GABPB2: variants seen among roughly 807,000 people sequenced by gnomAD.
GABPB2 encodes GA binding protein transcription factor subunit beta 2.
GABPB2 carries 23 observed loss-of-function variants against 39.1 expected under a neutral mutation model. The observed-to-expected ratio is 0.59, with a 90% CI of 0.42 to 0.83. The LOEUF (loss-of-function observed/expected upper bound fraction) is 0.83, where lower values mean the gene tolerates loss of function less well. Ranked by LOEUF, GABPB2 falls within the 40% of genes least tolerant of loss-of-function variation. GABPB2 has a pLI of 0.00. For synonymous variants in GABPB2, 184 were observed against 199.3 expected, an observed-to-expected ratio of 0.92 and a Z score of 0.65; for missense variants, 467 against 541.1, an observed-to-expected ratio of 0.86 and a Z score of 1.36.
At chr1:151,110,803 A>G (rs958296563) in intron 7 of GABPB2, among the ~76,000 whole-genome samples, 3 of 152,144 alleles carry the variant, frequency 2.0e-5, no homozygotes, top group African/African-American at 7.2e-5. Flanking sequence ...AAAGAAGGAA[A>G]ACAGATTTCA....
intron 7 of GABPB2, 86 bp downstream of exon 7, chr1:151,107,308 A>G: frequency 1.2e-6 from 1 of 852,704 alleles, no homozygotes; most frequent in East Asian, 3.5e-5. Flanking sequence ...TAAGACAAAT[A>G]GTGGAAGTGG....
intron 7 of GABPB2, among the ~76,000 whole-genome samples, chr1:151,113,835 A>G (rs1186967538): frequency 6.6e-6 from 1 of 152,196 alleles, no homozygotes; most frequent in Non-Finnish European, 1.5e-5. Flanking sequence ...TGTCATTTCA[A>G]TAATGTTATA....
intron 3 of GABPB2, 42 bp from the exon 4 acceptor site, chr1:151,093,150 C>A: frequency 1.3e-6 from 2 of 1,486,822 alleles, no homozygotes; most frequent in Non-Finnish European, 1.8e-6. Context: ...ACCTGTGCTA[C>A]TATAACCGCT....
In GABPB2 at chr1:151,107,225, G is replaced by A. The variant is rs373858904; in HGVS notation, c.922+3G>A. ...AACTGTGCAAGATGGACAGCAAGGTGAGTTATCTCTTGTAGACAATTGTTT... is the reference window on the plus strand; with the variant it reads ...AACTGTGCAAGATGGACAGCAAGGTAAGTTATCTCTTGTAGACAATTGTTT... On this transcript the variant is annotated splice_donor_region_variant and intron_variant, in intron 7 of 8. Coordinates refer to ENST00000368918, the MANE Select transcript of GABPB2 (RefSeq NM_144618.3). The A allele has an allele frequency of 1.9e-6, 3 of 1,560,700 alleles. No homozygotes were observed. The highest frequency in any genetic ancestry group is 2.6e-6 in the Non-Finnish European group (3 of 1,154,514).
chr1:151,083,950 A>G lies in GABPB2; in HGVS notation c.1-4240A>G, dbSNP rs1429200758. On this transcript the variant is annotated intron_variant, in intron 1 of 8. Transcript: ENST00000368918. ...GAGATGGGGTTTCATTATCTTGGAC[A>G]TGCTGGTCTTGAACTCCTGACCTCG... 8.0e-5 allele frequency among the ~76,000 whole-genome samples: 12 copies of G among 150,864 alleles called. No homozygotes were observed. In the East Asian group the frequency reaches 1.2e-3, roughly 15 times the overall value.
intron 7 of GABPB2, among the ~76,000 whole-genome samples, chr1:151,114,440 C>T (rs1276677328): frequency 6.6e-6 from 1 of 152,150 alleles, no homozygotes; most frequent in Non-Finnish European, 1.5e-5. Context: ...GGGCCGGGCT[C>T]AGTGGCTCAC....
Position 151,107,020 on chromosome 1 carries a change from G to A in GABPB2, c.737-17G>A. The A allele has an allele frequency of 1.3e-6, 2 of 1,541,362 alleles. No homozygotes were observed. Among genetic ancestry groups the A allele is most frequent in the Non-Finnish European group, 1.7e-6 (2 of 1,144,478 alleles). ...TTTAAAAAGCTGAAATTTTAAATTT[G>A]CTTTTGTCATCTCTAGCCAATACAG... On this transcript the variant is annotated splice_polypyrimidine_tract_variant and intron_variant, in intron 6 of 8. Transcript: ENST00000368918.
Position 151,078,605 on chromosome 1 carries a change from G to GA in GABPB2, c.-1+7680dup, listed in dbSNP as rs770012576. On this transcript the variant is annotated intron_variant, in intron 1 of 8. Coordinates refer to ENST00000368918, the MANE Select transcript of GABPB2 (RefSeq NM_144618.3). ...AAGACTCCGTCTCAAAAAAAAAATA[G>GA]AAAAAAAAATTCATTTTACTTTTTC... is the stretch of plus-strand genomic sequence containing the variant. Among the ~76,000 whole-genome samples the GA allele has an allele frequency of 9.8e-4, 148 of 151,188 alleles. 1 individual carries two copies. Among genetic ancestry groups the GA allele is most frequent in the Non-Finnish European group, 1.6e-3 (110 of 67,710 alleles).
At chr1:151,099,084 C>CA (rs200277830) in intron 5 of GABPB2, among the ~76,000 whole-genome samples, 350 of 110,590 alleles carry the variant, frequency 3.2e-3, no homozygotes, top group Admixed American at 0.012. Context: ...AACTTCATCT[C>CA]AAAAAAAAAA....
chr1:151,072,675 A>G (rs1676829395), intron 1 of GABPB2, among the ~76,000 whole-genome samples: 1 of 151,552 alleles, frequency 6.6e-6, no homozygotes, highest in South Asian at 2.1e-4. Context: ...GTGAAACCCC[A>G]TTTCTACTAA....
Position 151,118,352 on chromosome 1 carries a change from C to T in GABPB2, c.*96C>T, listed in dbSNP as rs1681046650. 8.3e-7 allele frequency: 1 copy of T among 1,200,124 alleles called. No individual in the cohort carries two copies. Among genetic ancestry groups the T allele is most frequent in the Non-Finnish European group, 1.2e-6 (1 of 864,526 alleles). 74.3% of individuals were successfully genotyped at this position (1,200,124 alleles called of 1,614,324 possible). Reference sequence around the variant, plus strand: ...AACATTGTATAAAAACTAAGAGTGTCTTTAAGAAGAAAACTATAGCAGGGT... The same window carrying T: ...AACATTGTATAAAAACTAAGAGTGTTTTTAAGAAGAAAACTATAGCAGGGT... On this transcript the variant is annotated 3_prime_UTR_variant, in exon 9 of 9. Transcript: ENST00000368918.
intron 5 of GABPB2, among the ~76,000 whole-genome samples, chr1:151,102,374 T>G (rs1326508825): frequency 6.6e-6 from 1 of 152,190 alleles, no homozygotes; most frequent in African/African-American, 2.4e-5. Flanking sequence ...TAAAGTATTT[T>G]TAACATTTAG....
At chr1:151,076,710 G>C (rs936521745) in intron 1 of GABPB2, among the ~76,000 whole-genome samples, 1 of 151,918 alleles carries the variant, frequency 6.6e-6, no homozygotes, top group Admixed American at 6.6e-5. Flanking sequence ...GATTACAGGT[G>C]TGAGCCACTG....
chr1:151,075,015 G>C (rs1397957455), intron 1 of GABPB2, among the ~76,000 whole-genome samples: 2 of 152,038 alleles, frequency 1.3e-5, no homozygotes, highest in Non-Finnish European at 2.9e-5. Flanking sequence ...AGTGGCACAC[G>C]CCTGTAATTC....
chr1:151,097,048 AT>A (rs1679146245), intron 4 of GABPB2, among the ~76,000 whole-genome samples: 1 of 151,948 alleles, frequency 6.6e-6, no homozygotes, highest in Non-Finnish European at 1.5e-5. Flanking sequence ...AGTAGCTGGG[AT>A]TACAAGCACC....
chr1:151,071,263 TGA>T (rs1016382603), intron 1 of GABPB2, among the ~76,000 whole-genome samples: 14 of 152,298 alleles, frequency 9.2e-5, no homozygotes, highest in Non-Finnish European at 1.3e-4. Flanking sequence ...TCGCCGAGGC[TGA>T]GTTTGGCCCC....
intron 7 of GABPB2, among the ~76,000 whole-genome samples, chr1:151,111,635 A>G (rs1403998249): frequency 6.7e-6 from 1 of 150,240 alleles, no homozygotes; most frequent in Non-Finnish European, 1.5e-5. Context: ...TGTGGTCTCG[A>G]TCTCCTGACC....
intron 3 of GABPB2, among the ~76,000 whole-genome samples, chr1:151,090,996 T>C (rs1318168072): frequency 1.3e-5 from 2 of 148,534 alleles, no homozygotes; most frequent in Admixed American, 6.7e-5. Flanking sequence ...AGAATCCGTC[T>C]CAAAACAAAA....
intron 7 of GABPB2, among the ~76,000 whole-genome samples, chr1:151,108,094 A>G (rs1680112280): frequency 6.6e-6 from 1 of 152,214 alleles, no homozygotes; most frequent in Non-Finnish European, 1.5e-5. Context: ...GTGCACATTA[A>G]TGGATCCTCT....
Sources: allele counts gnomAD v4.1 joint callset (sites outside exome capture counted in the v4.1 genomes callset), GRCh38; gene constraint gnomAD v4.1.1; transcripts MANE v1.5; gene names NCBI Gene and HGNC (gene_info 2026-07-23, HGNC 2026-07-21).